COMMD1: variants seen among roughly 807,000 people sequenced by gnomAD.
The protein encoded by COMMD1 is copper metabolism domain containing 1.
Under a neutral mutation model 17.2 loss-of-function variants are expected in COMMD1, and 10 were observed. That is an observed-to-expected ratio of 0.58 (90% CI 0.36 to 0.99). The LOEUF (loss-of-function observed/expected upper bound fraction) is 0.99, where lower values mean the gene tolerates loss of function less well. Ranked by LOEUF, COMMD1 falls within the 50% of genes least tolerant of loss-of-function variation. COMMD1 has a pLI of 0.01. For missense variants in COMMD1, 270 were observed against 231.8 expected (o/e 1.17, Z -1.07); for synonymous variants, 97 against 91.6 (o/e 1.06, Z -0.34).
At chr2:62,081,238 T>C (rs958070287) in intron 2 of COMMD1, among the ~76,000 whole-genome samples, 9 of 151,540 alleles carry the variant, frequency 5.9e-5, no homozygotes, top group African/African-American at 2.2e-4. Flanking sequence ...TACCCTCTAG[T>C]TTTTCTCAAT....
At chr2:62,074,375 TC>T (rs1346695523) in intron 2 of COMMD1, among the ~76,000 whole-genome samples, 1 of 152,174 alleles carries the variant, frequency 6.6e-6, no homozygotes, top group African/African-American at 2.4e-5. Context: ...GGCCCACCCC[TC>T]ATCCTGAGTT....
chr2:62,031,222 G>A (rs1276704265), intron 2 of COMMD1, among the ~76,000 whole-genome samples: 1 of 152,114 alleles, frequency 6.6e-6, no homozygotes, highest in East Asian at 1.9e-4. Context: ...GACACAACCA[G>A]CCCCAATACT....
At chr2:62,062,063 A>C (rs1017413241) in intron 2 of COMMD1, among the ~76,000 whole-genome samples, 6 of 151,860 alleles carry the variant, frequency 4.0e-5, no homozygotes, top group Non-Finnish European at 1.5e-5. Flanking sequence ...AGGACTGTGG[A>C]GTCAAACTGA....
intron 2 of COMMD1, among the ~76,000 whole-genome samples, chr2:62,048,062 G>A (rs965882864): frequency 6.6e-6 from 1 of 152,078 alleles, no homozygotes; most frequent in African/African-American, 2.4e-5. Context: ...ATGTGTACCT[G>A]CAAGTGACAC....
rs748964010 is a variant in COMMD1, at chr2:62,000,719, A to G, written c.199A>G (p.Met67Val). ...TTTATAGTCTATTGCGTCTGCAGAC[A>G]TGGATTTCAACCAGCTGGAGGCATT... ...GILKSIASAD[M>V]DFNQLEAFLT... is the part of the protein sequence containing the mutation. Residue 67 changes from methionine (M) to valine (V), a missense_variant, in exon 2 of 3, where the codon ATG becomes GTG. Transcript: ENST00000311832. 3.7e-6 allele frequency: 6 copies of G among 1,614,158 alleles called. No individual in the cohort carries two copies. Among genetic ancestry groups the G allele is most frequent in the South Asian group, 1.1e-5 (1 of 91,086 alleles).
chr2:61,943,608 G>C (rs761098838), intron 1 of COMMD1, among the ~76,000 whole-genome samples: 2 of 152,194 alleles, frequency 1.3e-5, no homozygotes, highest in African/African-American at 4.8e-5. Flanking sequence ...GCTGAGGCAG[G>C]TGGATCACTT....
chr2:62,135,696 G>C, intron 2 of COMMD1, 135 bp from the exon 3 acceptor site: 2 of 668,744 alleles, frequency 3.0e-6, no homozygotes, highest in Non-Finnish European at 5.5e-6. Context: ...GCTTTGCTGG[G>C]TAAAATATCA....
At chr2:62,109,201 G>T (rs985446406) in intron 2 of COMMD1, among the ~76,000 whole-genome samples, 4 of 152,178 alleles carry the variant, frequency 2.6e-5, no homozygotes, top group South Asian at 4.1e-4. Flanking sequence ...AGCATACCAA[G>T]AAATGAAAAC....
intron 1 of COMMD1, among the ~76,000 whole-genome samples, chr2:61,912,074 ACTTTT>A (rs1233362567): frequency 6.6e-5 from 10 of 152,118 alleles, no homozygotes; most frequent in African/African-American, 2.4e-4. Context: ...ACCTGGCTTT[ACTTTT>A]TCTTCATACT....
chr2:62,014,813 C>G (rs974604586), intron 2 of COMMD1, among the ~76,000 whole-genome samples: 1 of 151,964 alleles, frequency 6.6e-6, no homozygotes, highest in Non-Finnish European at 1.5e-5. Flanking sequence ...GATCCACCCC[C>G]CTCAGCCTCC....
chr2:61,953,332 A>C (rs1258389603), intron 1 of COMMD1, among the ~76,000 whole-genome samples: 1 of 144,630 alleles, frequency 6.9e-6, no homozygotes, highest in Non-Finnish European at 1.5e-5. Context: ...TATTTCTGAG[A>C]GTTTTAGGAT....
intron 2 of COMMD1, among the ~76,000 whole-genome samples, chr2:62,057,265 T>C (rs1670731848): frequency 6.6e-6 from 1 of 152,192 alleles, no homozygotes. Context: ...GCCAAAAAGG[T>C]TGGGGACCAC....
chr2:61,908,486 A>C (rs1293143544), intron 1 of COMMD1, among the ~76,000 whole-genome samples: 1 of 152,084 alleles, frequency 6.6e-6, no homozygotes, highest in African/African-American at 2.4e-5. Flanking sequence ...CAGCCTCCCA[A>C]AGTGCTGGGA....
chr2:62,017,576 G>A (rs1263746763), intron 2 of COMMD1, among the ~76,000 whole-genome samples: 1 of 151,938 alleles, frequency 6.6e-6, no homozygotes, highest in Non-Finnish European at 1.5e-5. Flanking sequence ...AGACTGAAGT[G>A]GGAGGATTGC....
intron 2 of COMMD1, among the ~76,000 whole-genome samples, chr2:62,004,400 A>C (rs1224886254): frequency 6.6e-6 from 1 of 152,066 alleles, no homozygotes; most frequent in African/African-American, 2.4e-5. Flanking sequence ...CTCCGAGTTC[A>C]AGTGGTTCTC....
intron 1 of COMMD1, among the ~76,000 whole-genome samples, chr2:61,893,031 C>T (rs1669471838): frequency 6.6e-6 from 1 of 151,822 alleles, no homozygotes; most frequent in Non-Finnish European, 1.5e-5. Context: ...CCGTGGTCGG[C>T]TAATTTTGTA....
intron 1 of COMMD1, among the ~76,000 whole-genome samples, chr2:61,990,903 T>TACACACACAC (rs34009777): frequency 0.05 from 5,776 of 116,078 alleles, 185 homozygotes; most frequent in South Asian, 0.075. Flanking sequence ...TATATATATA[T>TACACACACAC]ACACACACAC....
rs550236268 is a variant in COMMD1, at chr2:62,077,049, T to G, written c.463-58782T>G. Among the ~76,000 whole-genome samples, 3 of 152,292 alleles carry G rather than the reference T, an allele frequency of 2.0e-5. No homozygotes were observed. In the South Asian group the frequency reaches 6.2e-4, roughly 32 times the overall value. On this transcript the variant is annotated intron_variant, in intron 2 of 2. Coordinates refer to ENST00000311832, the MANE Select transcript of COMMD1 (RefSeq NM_152516.4). ...GGGAGGCTGAGGTGGCAAGATCGTT[T>G]GAGCCTGGGAGGTTGAGGCTGCAGT...
intron 2 of COMMD1, among the ~76,000 whole-genome samples, chr2:62,006,542 T>A (rs1669127816): frequency 6.6e-6 from 1 of 152,166 alleles, no homozygotes; most frequent in African/African-American, 2.4e-5. Flanking sequence ...TTGTAGTGAA[T>A]GTTTTTTCCA....
Sources: allele counts gnomAD v4.1 joint callset (sites outside exome capture counted in the v4.1 genomes callset), GRCh38; gene constraint gnomAD v4.1.1; transcripts MANE v1.5; gene names NCBI Gene and HGNC (gene_info 2026-07-23, HGNC 2026-07-21).